Variants in VSTM4 observed in about 807,000 individuals in gnomAD.
The protein encoded by VSTM4 is V-set and transmembrane domain-containing protein 4.
VSTM4 carries 20 observed loss-of-function variants against 36.4 expected under a neutral mutation model. The observed-to-expected ratio is 0.55, with a 90% CI of 0.39 to 0.80. The LOEUF is 0.80. Among genes scored for constraint, VSTM4 ranks in the 30% least tolerant of loss-of-function variants. The pLI, the probability that VSTM4 is intolerant of heterozygous loss-of-function variation, is 0.00. For missense variants in VSTM4, 392 were observed against 404.5 expected, an observed-to-expected ratio of 0.97 and a Z score of 0.26; for synonymous variants, 182 against 173.9, an observed-to-expected ratio of 1.05 and a Z score of -0.37.
chr10:49,100,617 C>A (rs1308254725), intron 2 of VSTM4, among the ~76,000 whole-genome samples: 1 of 151,534 alleles, frequency 6.6e-6, no homozygotes, highest in Admixed American at 6.6e-5. Context: ...AGGAATACAA[C>A]AAGTTCCTGG....
intron 5 of VSTM4, among the ~76,000 whole-genome samples, chr10:49,057,253 G>A (rs1843796874): frequency 6.6e-6 from 1 of 152,128 alleles, no homozygotes; most frequent in African/African-American, 2.4e-5. Context: ...AAATGACAGA[G>A]GGCTAGTCAT....
intron 5 of VSTM4, among the ~76,000 whole-genome samples, chr10:49,060,371 T>C (rs994821636): frequency 1.3e-5 from 2 of 152,228 alleles, no homozygotes; most frequent in South Asian, 2.1e-4. Flanking sequence ...ATTGCTATTG[T>C]CTGTCTTTTG....
At chr10:49,067,291 C>T (rs1465259598) in intron 4 of VSTM4, among the ~76,000 whole-genome samples, 1 of 152,216 alleles carries the variant, frequency 6.6e-6, no homozygotes, top group Non-Finnish European at 1.5e-5. Context: ...CTAACTTAAT[C>T]TTCACAGTAG....
At chr10:49,105,285 C>CGAAGAGACACAGAGGGAG (rs1844757504) in intron 2 of VSTM4, among the ~76,000 whole-genome samples, 1 of 103,146 alleles carries the variant, frequency 9.7e-6, no homozygotes, top group Non-Finnish European at 1.8e-5. Context: ...CAGAGAGAGA[C>CGAAGAGACACAGAGGGAG]GAAGAGACAC....
At chr10:49,102,839 T>C in intron 2 of VSTM4, 3 of 721,172 alleles carry the variant, frequency 4.2e-6, no homozygotes, top group Non-Finnish European at 5.1e-6. Context: ...ATTGTTATCA[T>C]CATCATCCTC....
intron 3 of VSTM4, among the ~76,000 whole-genome samples, chr10:49,084,995 T>G (rs1025121626): frequency 2.0e-5 from 3 of 152,196 alleles, no homozygotes; most frequent in Admixed American, 2.0e-4. Context: ...CAAAGATACA[T>G]GCAGACATTG....
chr10:49,015,718 T>C lies in VSTM4; in HGVS notation c.*3932A>G, dbSNP rs1426736551. ...ATGACACAGAGCTGGGTCACCTGGG[T>C]CTCACTGCAGTTTCCTGGATCAGGG... On this transcript the variant is annotated 3_prime_UTR_variant, in exon 8 of 8. Coordinates refer to ENST00000332853, the MANE Select transcript of VSTM4 (RefSeq NM_001031746.5). 2 of 152,118 alleles carry C rather than the reference T, an allele frequency of 1.3e-5. No individual in the cohort carries two copies. The highest frequency in any genetic ancestry group is 2.9e-5 in the Non-Finnish European group (2 of 68,038). The allele number at this position is 152,118 out of a possible 1,614,324, so 9.4% of individuals were successfully genotyped here.
intron 2 of VSTM4, among the ~76,000 whole-genome samples, chr10:49,105,854 T>C (rs1844772794): frequency 6.6e-6 from 1 of 152,002 alleles, no homozygotes; most frequent in Admixed American, 6.5e-5. Context: ...TATATATATA[T>C]ATATCTTGTG....
intron 7 of VSTM4, among the ~76,000 whole-genome samples, chr10:49,036,305 A>C (rs79987151): frequency 6.6e-6 from 1 of 152,210 alleles, no homozygotes; most frequent in African/African-American, 2.4e-5. Flanking sequence ...GGAGCATAGA[A>C]ATTTTATCTC....
chr10:49,044,085 T>C (rs1843562375), intron 7 of VSTM4, among the ~76,000 whole-genome samples: 1 of 152,176 alleles, frequency 6.6e-6, no homozygotes, highest in South Asian at 2.1e-4. Flanking sequence ...CCCAACACTT[T>C]TGGACGCCGA....
intron 5 of VSTM4, among the ~76,000 whole-genome samples, chr10:49,049,788 G>A (rs865973922): frequency 6.6e-6 from 1 of 151,354 alleles, no homozygotes; most frequent in Non-Finnish European, 1.5e-5. Context: ...AATGGCTGCA[G>A]TCAAATGTGA....
At chr10:49,053,825 T>C (rs1843735144) in intron 5 of VSTM4, among the ~76,000 whole-genome samples, 1 of 152,152 alleles carries the variant, frequency 6.6e-6, no homozygotes, top group Admixed American at 6.5e-5. Context: ...AGAGCAGTGC[T>C]GGAAAGCACC....
In VSTM4 at chr10:49,032,671, C is replaced by T. The variant is rs556757584; in HGVS notation, c.838-12896G>A. 5.9e-5 allele frequency among the ~76,000 whole-genome samples: 9 copies of T among 152,254 alleles called. 1 individual carries two copies. The highest frequency in any genetic ancestry group is 5.2e-4 in the Admixed American group (8 of 15,292). On this transcript the variant is annotated intron_variant, in intron 7 of 7. Transcript: ENST00000332853. ...GCACCCCCACCCCCATCTGCCTGGCCTCAGGAATGTAGACAGGGACACTCT... is the reference window on the plus strand; with the variant it reads ...GCACCCCCACCCCCATCTGCCTGGCTTCAGGAATGTAGACAGGGACACTCT...
At chr10:49,041,370 C>T (rs1163767662) in intron 7 of VSTM4, among the ~76,000 whole-genome samples, 1 of 152,108 alleles carries the variant, frequency 6.6e-6, no homozygotes, top group Non-Finnish European at 1.5e-5. Context: ...AAGGGAAAAC[C>T]TGTTATTTAA....
intron 1 of VSTM4, among the ~76,000 whole-genome samples, chr10:49,109,592 C>G (rs1480551200): frequency 2.6e-5 from 4 of 152,118 alleles, no homozygotes; most frequent in African/African-American, 9.7e-5. Context: ...CCATAAAGTC[C>G]CTTTTGTCAT....
intron 2 of VSTM4, among the ~76,000 whole-genome samples, chr10:49,097,333 A>T (rs1844591525): frequency 6.6e-6 from 1 of 152,182 alleles, no homozygotes; most frequent in African/African-American, 2.4e-5. Context: ...GTGCTTCCAG[A>T]GGCACCAAGC....
chr10:49,023,853 G>A (rs932615675), intron 7 of VSTM4, among the ~76,000 whole-genome samples: 2 of 152,182 alleles, frequency 1.3e-5, no homozygotes, highest in African/African-American at 4.8e-5. Flanking sequence ...CTTCAACAGT[G>A]TTGAACTGTC....
At chr10:49,079,007 T>C (rs1844230785) in intron 3 of VSTM4, among the ~76,000 whole-genome samples, 1 of 151,608 alleles carries the variant, frequency 6.6e-6, no homozygotes, top group Non-Finnish European at 1.5e-5. Context: ...AATTTTTGTA[T>C]TTTTGGTAGA....
At chr10:49,102,000 TATGA>T (rs1844675192) in intron 2 of VSTM4, among the ~76,000 whole-genome samples, 1 of 152,178 alleles carries the variant, frequency 6.6e-6, no homozygotes, top group Non-Finnish European at 1.5e-5. Context: ...TGTGTGTGTG[TATGA>T]ATGTCAATAG....
Sources: gnomAD v4.1 joint callset for allele counts (sites outside exome capture counted in the v4.1 genomes callset) on GRCh38, gnomAD v4.1.1 for gene constraint, MANE v1.5 for transcripts, NCBI Gene and HGNC (gene_info 2026-07-23, HGNC 2026-07-21) for gene names.